Variants in AKT3 observed in about 807,000 individuals in gnomAD.
AKT3 encodes RAC-gamma serine/threonine-protein kinase.
In AKT3, 15 loss-of-function variants were observed where a neutral mutation model predicts 65.3. That is an observed-to-expected ratio of 0.23 (90% CI 0.15 to 0.35). AKT3 has a LOEUF of 0.35. Among genes scored for constraint, AKT3 ranks in the 10% least tolerant of loss-of-function variants. The pLI is 1.00. For synonymous variants in AKT3, 206 were observed against 183.8 expected (o/e 1.12, Z -0.98); for missense variants, 243 against 576.5 (o/e 0.42, Z 5.92).
At chr1:243,833,132 A>C (rs1056558514) in intron 2 of AKT3, among the ~76,000 whole-genome samples, 2 of 152,050 alleles carry the variant, frequency 1.3e-5, no homozygotes, top group African/African-American at 4.8e-5. Flanking sequence ...ACAGTGGCAC[A>C]CACCTATAGT....
chr1:243,742,061 A>T lies in AKT3; in HGVS notation c.47-46345T>A, dbSNP rs1292820684. 7.5e-3 allele frequency among the ~76,000 whole-genome samples: 735 copies of T among 98,148 alleles called. 6 individuals carry two copies. The highest frequency in any genetic ancestry group is 0.027 in the African/African-American group (642 of 23,806). The allele number at this position is 98,148 out of a possible 152,430, so 64.4% of individuals were successfully genotyped here. ...TCAAACAACTACAGATAGAAAATTA[A>T]AAAAAAAAAAAAAAAACAGTAAAAA... On this transcript the variant is annotated intron_variant, in intron 2 of 13. Transcript: ENST00000673466.
chr1:243,721,280 T>C (rs1050376323), intron 2 of AKT3, among the ~76,000 whole-genome samples: 4 of 152,100 alleles, frequency 2.6e-5, no homozygotes, highest in East Asian at 1.9e-4. Flanking sequence ...TCCTGTCCCA[T>C]ACCTGGGAGG....
chr1:243,690,052 GA>G (rs769592578), intron 3 of AKT3, among the ~76,000 whole-genome samples: 10 of 152,134 alleles, frequency 6.6e-5, no homozygotes, highest in Non-Finnish European at 1.2e-4. Flanking sequence ...AGGGACTGAA[GA>G]AAGGTTTCAG....
intron 2 of AKT3, among the ~76,000 whole-genome samples, chr1:243,708,186 G>T (rs1488819855): frequency 6.6e-6 from 1 of 151,866 alleles, no homozygotes; most frequent in Admixed American, 6.6e-5. Flanking sequence ...TCTTAGACTA[G>T]AACTGAACAT....
rs553328432 is a variant in AKT3, at chr1:243,770,177, T to C, written c.46+72948A>G. On this transcript the variant is annotated intron_variant, in intron 2 of 13. Coordinates refer to ENST00000673466, the MANE Select transcript of AKT3 (RefSeq NM_005465.7). The stretch of plus-strand genomic sequence containing the variant: ...TCCATTGATCTACTTCTCTCCTCTA[T>C]GTCTCTTTTTGACTGCACCTAGCAC... 2.0e-5 allele frequency among the ~76,000 whole-genome samples: 3 copies of C among 152,308 alleles called. No homozygotes were observed. The South Asian group carries it at 6.2e-4, about 32-fold the overall frequency.
chr1:243,511,464 A>G (rs1288892291), intron 13 of AKT3, among the ~76,000 whole-genome samples: 2 of 152,134 alleles, frequency 1.3e-5, no homozygotes, highest in Non-Finnish European at 2.9e-5. Flanking sequence ...CATCAGCACT[A>G]TGGATAAATC....
At chr1:243,769,426 C>T (rs1572315467) in intron 2 of AKT3, among the ~76,000 whole-genome samples, 1 of 152,136 alleles carries the variant, frequency 6.6e-6, no homozygotes, top group South Asian at 2.1e-4. Context: ...CTACCAGCAG[C>T]GTATGGGGAT....
chr1:243,714,974 A>C (rs916583629), intron 2 of AKT3, among the ~76,000 whole-genome samples: 20 of 152,142 alleles, frequency 1.3e-4, no homozygotes, highest in African/African-American at 4.3e-4. Context: ...ACTAGAACTC[A>C]TATGAATCCT....
intron 8 of AKT3, among the ~76,000 whole-genome samples, chr1:243,584,930 G>C (rs113018461): frequency 6.6e-6 from 1 of 151,882 alleles, no homozygotes; most frequent in Non-Finnish European, 1.5e-5. Context: ...GAAATAAAAA[G>C]GCATCCTAAT....
intron 3 of AKT3, among the ~76,000 whole-genome samples, chr1:243,690,769 G>C (rs927635913): frequency 7.9e-5 from 12 of 151,994 alleles, no homozygotes; most frequent in Middle Eastern, 3.2e-3. Flanking sequence ...TGTGATAGTC[G>C]AGACACTTGA....
intron 11 of AKT3, chr1:243,546,990 G>A (rs1324393458): frequency 2.0e-5 from 3 of 152,184 alleles, no homozygotes; most frequent in Non-Finnish European, 4.4e-5. Flanking sequence ...TTTGCTAAAT[G>A]TTTAGTAACT....
chr1:243,722,524 T>A lies in AKT3; in HGVS notation c.47-26808A>T, dbSNP rs2148118245. The stretch of plus-strand genomic sequence containing the variant: ...ATAACTTCACCATTTCTAGTAATCA[T>A]CACACCCCCAGACCAAAGCACGAAG... On this transcript the variant is annotated intron_variant, in intron 2 of 13. Transcript: ENST00000673466. Among the ~76,000 whole-genome samples, 2 of 152,246 alleles carry A rather than the reference T, an allele frequency of 1.3e-5. 1 individual carries two copies. The highest frequency in any genetic ancestry group is 4.1e-4 in the South Asian group (2 of 4,822).
intron 5 of AKT3, among the ~76,000 whole-genome samples, chr1:243,644,818 G>A (rs1161150640): frequency 6.6e-6 from 1 of 152,140 alleles, no homozygotes; most frequent in East Asian, 1.9e-4. Flanking sequence ...TCTTATCTCT[G>A]AGTAGGTAGG....
At chr1:243,688,303 C>T (rs1684472213) in intron 3 of AKT3, among the ~76,000 whole-genome samples, 1 of 151,132 alleles carries the variant, frequency 6.6e-6, no homozygotes, top group South Asian at 2.1e-4. Context: ...ATGTATAGAA[C>T]ATTAAAGAGT....
chr1:243,489,232 G>T, intron 13 of AKT3: 1 of 1,496,132 alleles, frequency 6.7e-7, no homozygotes, highest in South Asian at 1.2e-5. Context: ...CTTTCTCACG[G>T]ATCACATCGG....
chr1:243,617,909 C>T (rs1050890469), intron 6 of AKT3, among the ~76,000 whole-genome samples: 18 of 152,052 alleles, frequency 1.2e-4, no homozygotes, highest in African/African-American at 4.3e-4. Flanking sequence ...GAATCACAGA[C>T]ATTTTAATAG....
At chr1:243,676,566 C>T (rs991936782) in intron 3 of AKT3, among the ~76,000 whole-genome samples, 2 of 152,174 alleles carry the variant, frequency 1.3e-5, no homozygotes, top group African/African-American at 4.8e-5. Flanking sequence ...TATACTGCCT[C>T]ATCCTCAAGA....
chr1:243,750,583 CT>C lies in AKT3; in HGVS notation c.47-54868del, dbSNP rs1366859334. ...TAAATGCTTGTTGATTAAGGCTAATCTTTTTTTTTTTTTTTTGAGACAGAGT... is the reference window on the plus strand; with the variant it reads ...TAAATGCTTGTTGATTAAGGCTAATCTTTTTTTTTTTTTTTGAGACAGAGT... On this transcript the variant is annotated intron_variant, in intron 2 of 13. Coordinates refer to ENST00000673466, the MANE Select transcript of AKT3 (RefSeq NM_005465.7). 9.5e-3 allele frequency among the ~76,000 whole-genome samples: 1,329 copies of C among 140,310 alleles called. 3 individuals carry two copies. The highest frequency in any genetic ancestry group is 0.012 in the African/African-American group (463 of 38,410). The allele number at this position is 140,310 out of a possible 152,430, so 92.0% of individuals were successfully genotyped here.
intron 2 of AKT3, among the ~76,000 whole-genome samples, chr1:243,752,060 G>A (rs1019663174): frequency 1.3e-5 from 2 of 151,922 alleles, no homozygotes; most frequent in African/African-American, 4.8e-5. Context: ...CTGTATACAG[G>A]GTCCAAAACA....
Sources: allele counts gnomAD v4.1 joint callset (sites outside exome capture counted in the v4.1 genomes callset), GRCh38; gene constraint gnomAD v4.1.1; transcripts MANE v1.5; gene names NCBI Gene and HGNC (gene_info 2026-07-23, HGNC 2026-07-21).